Variants in KATNBL1 observed in about 807,000 individuals in gnomAD.
The protein encoded by KATNBL1 is katanin regulatory subunit B1 like 1.
KATNBL1 carries 28 observed loss-of-function variants against 44.7 expected under a neutral mutation model. The ratio of observed to expected loss-of-function variants is 0.63; its 90% CI spans 0.46 to 0.86. The LOEUF (loss-of-function observed/expected upper bound fraction) is 0.86. KATNBL1 is among the 40% of genes least tolerant of loss of function. KATNBL1 has a pLI of 0.00. For missense variants in KATNBL1, 272 were observed against 350.7 expected (o/e 0.78, Z 1.79); for synonymous variants, 78 against 114.9 (o/e 0.68, Z 2.06).
At chr15:34,179,345 C>T (rs1270179315) in intron 1 of KATNBL1, among the ~76,000 whole-genome samples, 1 of 152,152 alleles carries the variant, frequency 6.6e-6, no homozygotes, top group African/African-American at 2.4e-5. Flanking sequence ...AATAATGAAC[C>T]TGCTCCTATG....
chr15:34,207,586 A>C (rs1337059039), intron 1 of KATNBL1, among the ~76,000 whole-genome samples: 4 of 150,806 alleles, frequency 2.7e-5, no homozygotes, highest in Admixed American at 2.0e-4. Context: ...CTTTCCTCCT[A>C]CCGTTGGCCT....
intron 1 of KATNBL1, among the ~76,000 whole-genome samples, chr15:34,198,630 G>A (rs971875901): frequency 2.0e-5 from 3 of 152,080 alleles, no homozygotes; most frequent in African/African-American, 7.2e-5. Flanking sequence ...AATACTTTGC[G>A]CTAACAGTGT....
chr15:34,147,577 G>C, intron 5 of KATNBL1, 147 bp from the exon 6 acceptor site: 1 of 395,126 alleles, frequency 2.5e-6, no homozygotes, highest in African/African-American at 2.2e-5. Context: ...ATACAGCAAT[G>C]AACAAAGACA....
intron 4 of KATNBL1, among the ~76,000 whole-genome samples, chr15:34,149,578 C>A (rs754463198): frequency 6.6e-6 from 1 of 152,214 alleles, no homozygotes; most frequent in African/African-American, 2.4e-5. Flanking sequence ...GCACCCAACA[C>A]AACACCCAAC....
At chr15:34,154,113 A>C (rs935928937) in intron 3 of KATNBL1, among the ~76,000 whole-genome samples, 8 of 152,210 alleles carry the variant, frequency 5.3e-5, no homozygotes, top group African/African-American at 1.9e-4. Flanking sequence ...TTCTCCATTC[A>C]ATCTACTGTG....
intron 4 of KATNBL1, among the ~76,000 whole-genome samples, chr15:34,152,222 A>T: frequency 6.6e-6 from 1 of 150,970 alleles, no homozygotes. Flanking sequence ...TATTTTTTTG[A>T]GACGGAGTCG....
chr15:34,162,003 T>C (rs1888822321), intron 2 of KATNBL1, among the ~76,000 whole-genome samples: 1 of 152,236 alleles, frequency 6.6e-6, no homozygotes, highest in African/African-American at 2.4e-5. Context: ...AGTTCATTAA[T>C]AGTTATGTAA....
At chr15:34,145,191 G>GA (rs1309120925) in intron 9 of KATNBL1, 1 of 1,365,544 alleles carries the variant, frequency 7.3e-7, no homozygotes, top group Admixed American at 2.2e-5. Context: ...GGCTGTACAT[G>GA]AAACATGTTC....
intron 1 of KATNBL1, among the ~76,000 whole-genome samples, chr15:34,198,971 A>C (rs1311048827): frequency 6.6e-6 from 1 of 152,218 alleles, no homozygotes; most frequent in Non-Finnish European, 1.5e-5. Context: ...TTTTGAAAGA[A>C]TGTGGCAATT....
chr15:34,190,770 T>C (rs1889849893), intron 1 of KATNBL1, among the ~76,000 whole-genome samples: 1 of 152,094 alleles, frequency 6.6e-6, no homozygotes, highest in Admixed American at 6.5e-5. Context: ...ACACTACTAA[T>C]AAATATTCTT....
intron 1 of KATNBL1, chr15:34,166,042 G>C (rs1027495794): frequency 6.6e-6 from 1 of 152,562 alleles, no homozygotes; most frequent in African/African-American, 2.4e-5. Flanking sequence ...GGTGATTTCT[G>C]CATTTCCAAC....
intron 2 of KATNBL1, among the ~76,000 whole-genome samples, chr15:34,157,927 A>G (rs1164537673): frequency 3.3e-5 from 5 of 152,194 alleles, no homozygotes; most frequent in African/African-American, 7.2e-5. Flanking sequence ...ATTTTCAACT[A>G]ATGTTTTGAC....
intron 9 of KATNBL1, among the ~76,000 whole-genome samples, chr15:34,144,562 A>G (rs1160411723): frequency 2.0e-5 from 3 of 151,322 alleles, no homozygotes; most frequent in South Asian, 2.1e-4. Flanking sequence ...TTTAACTACT[A>G]ATGTTTTTTC....
chr15:34,154,403 C>G (rs1308242885), intron 3 of KATNBL1, among the ~76,000 whole-genome samples: 1 of 152,168 alleles, frequency 6.6e-6, no homozygotes, highest in Non-Finnish European at 1.5e-5. Flanking sequence ...CTTATCTGAT[C>G]TTAAGTTTTC....
intron 2 of KATNBL1, 196 bp from the exon 3 acceptor site, chr15:34,154,880 C>G (rs1464385149): frequency 3.4e-6 from 2 of 582,448 alleles, no homozygotes; most frequent in African/African-American, 3.7e-5. Flanking sequence ...CAGCTAGTCC[C>G]TACTACTGTG....
chr15:34,170,901 G>A (rs1258550597), intron 1 of KATNBL1, among the ~76,000 whole-genome samples: 1 of 152,156 alleles, frequency 6.6e-6, no homozygotes, highest in Non-Finnish European at 1.5e-5. Flanking sequence ...GCTGAAACTG[G>A]ATCCCTTCCT....
intron 1 of KATNBL1, among the ~76,000 whole-genome samples, chr15:34,175,996 G>C (rs898190101): frequency 6.6e-6 from 1 of 152,098 alleles, no homozygotes; most frequent in African/African-American, 2.4e-5. Flanking sequence ...TAGCCAAAAA[G>C]CAAAAAACAA....
intron 1 of KATNBL1, chr15:34,209,084 A>T (rs76814112): frequency 2.0e-5 from 3 of 152,218 alleles, no homozygotes; most frequent in African/African-American, 7.2e-5. Context: ...ACACTGGCTA[A>T]TATTATTATT....
chr15:34,147,943 T>G (rs1293755892), intron 5 of KATNBL1, among the ~76,000 whole-genome samples: 2 of 152,260 alleles, frequency 1.3e-5, no homozygotes, highest in East Asian at 1.9e-4. Flanking sequence ...CACAGCTTAC[T>G]GCAACCTCCA....
Sources: allele counts gnomAD v4.1 joint callset (sites outside exome capture counted in the v4.1 genomes callset), GRCh38; gene constraint gnomAD v4.1.1; transcripts MANE v1.5; gene names NCBI Gene and HGNC (gene_info 2026-07-23, HGNC 2026-07-21).